NAALADL2: variants seen among roughly 807,000 people sequenced by gnomAD.
NAALADL2 encodes the protein inactive N-acetylated-alpha-linked acidic dipeptidase-like protein 2.
Under a neutral mutation model 87.2 loss-of-function variants are expected in NAALADL2, and 76 were observed. That is an observed-to-expected ratio of 0.87 (90% confidence interval 0.72 to 1.05). NAALADL2 has a LOEUF of 1.05. Ranked by LOEUF, NAALADL2 falls within the 50% of genes least tolerant of loss-of-function variation. The probability of loss-of-function intolerance (pLI) is 0.00; values close to 1 mark genes in which losing one functional copy is unlikely to be tolerated. For synonymous variants in NAALADL2, 354 were observed against 331.0 expected (o/e 1.07, Z -0.75); for missense variants, 1,089 against 945.8 (o/e 1.15, Z -1.99).
intron 2 of NAALADL2, among the ~76,000 whole-genome samples, chr3:174,575,581 C>G (rs1166908580): frequency 2.0e-5 from 3 of 152,082 alleles, no homozygotes; most frequent in Non-Finnish European, 2.9e-5. Context: ...TTTTGTGTAA[C>G]AGTGGCCAGA....
chr3:175,034,318 C>T (rs1753149021), intron 1 of NAALADL2, among the ~76,000 whole-genome samples: 2 of 152,114 alleles, frequency 1.3e-5, no homozygotes, highest in Admixed American at 6.6e-5. Context: ...AAGCCAGATA[C>T]AAGTTCTGAT....
At chr3:175,494,533 G>A (rs924322888) in intron 9 of NAALADL2, among the ~76,000 whole-genome samples, 1 of 152,054 alleles carries the variant, frequency 6.6e-6, no homozygotes, top group Non-Finnish European at 1.5e-5. Flanking sequence ...ATGAATGGAA[G>A]GTCAGTTTCT....
intron 2 of NAALADL2, among the ~76,000 whole-genome samples, chr3:174,721,048 T>C (rs1173349610): frequency 6.6e-6 from 1 of 152,232 alleles, no homozygotes; most frequent in African/African-American, 2.4e-5. Context: ...AGAGATAATA[T>C]ATCATTTTTG....
chr3:174,779,194 C>A (rs7620237), intron 3 of NAALADL2, among the ~76,000 whole-genome samples: 44 of 152,078 alleles, frequency 2.9e-4, no homozygotes, highest in Non-Finnish European at 6.0e-4. Flanking sequence ...GATGGTATCT[C>A]ATTGTGGTTT....
chr3:175,140,076 C>T (rs1383078978), intron 2 of NAALADL2, among the ~76,000 whole-genome samples: 2 of 152,046 alleles, frequency 1.3e-5, no homozygotes, highest in African/African-American at 2.4e-5. Context: ...GTCAGGCAAA[C>T]CTGGCTTTGA....
intron 11 of NAALADL2, among the ~76,000 whole-genome samples, chr3:175,716,058 C>T (rs755160702): frequency 5.3e-4 from 79 of 149,246 alleles, no homozygotes; most frequent in Middle Eastern, 3.5e-3. Flanking sequence ...GACAGCCACA[C>T]TCAAATAACA....
chr3:174,689,577 A>C (rs954574559), intron 2 of NAALADL2, among the ~76,000 whole-genome samples: 1 of 152,046 alleles, frequency 6.6e-6, no homozygotes, highest in African/African-American at 2.4e-5. Flanking sequence ...GCCATACCCT[A>C]GATGAAAATC....
rs1578133416 is a variant in NAALADL2, at chr3:174,544,258, C to T, written c.-183-6311C>T. Reference sequence around the variant, plus strand: ...TGGTTGAGAATTTGTTTTTCTAGCTCTGACATCCAGCAATCTCAAATATTT... The same window carrying T: ...TGGTTGAGAATTTGTTTTTCTAGCTTTGACATCCAGCAATCTCAAATATTT... On this transcript the variant is annotated intron_variant, in intron 1 of 3. Coordinates refer to the NAALADL2 transcript ENST00000434257. Among the ~76,000 whole-genome samples, 5 of 152,238 alleles carry T rather than the reference C, an allele frequency of 3.3e-5. 1 individual carries two copies. The highest frequency in any genetic ancestry group is 3.3e-4 in the Admixed American group (5 of 15,282).
chr3:175,730,443 T>TATATATATATAC (rs1387585623), intron 11 of NAALADL2, among the ~76,000 whole-genome samples: 1 of 64,482 alleles, frequency 1.6e-5, no homozygotes, highest in African/African-American at 5.4e-5. Flanking sequence ...TATATATATA[T>TATATATATATAC]ACACACATAC....
chr3:175,781,960 G>T (rs1385028961), intron 13 of NAALADL2, among the ~76,000 whole-genome samples: 2 of 150,492 alleles, frequency 1.3e-5, no homozygotes, highest in Non-Finnish European at 3.0e-5. Context: ...GCAGTGTTTG[G>T]TTTTTTGTTC....
chr3:175,463,429 G>A lies in NAALADL2; in HGVS notation c.1263G>A (p.Gln421=), dbSNP rs1723460152. 6.3e-7 allele frequency: 1 copy of A among 1,597,156 alleles called. No individual in the cohort carries two copies. The highest frequency in any genetic ancestry group is 8.5e-7 in the Non-Finnish European group (1 of 1,170,946). ...NEIRVVSMQV[Q]TVTKLKTVTN... is the part of the protein sequence containing the mutation. ...TAAGAGTCGTCAGCATGCAAGTTCA[G>A]ACAGTCACAAAATTGAAAACAGTTA... The change falls in exon 7 of 14, where the codon CAG becomes CAA. Residue 421 remains glutamine, a synonymous_variant. Transcript: ENST00000454872.
intron 1 of NAALADL2, among the ~76,000 whole-genome samples, chr3:174,968,736 C>G (rs977228185): frequency 6.6e-6 from 1 of 152,140 alleles, no homozygotes; most frequent in Non-Finnish European, 1.5e-5. Context: ...CTCGGCCTCC[C>G]AAAGTGCTGA....
At chr3:174,982,947 G>A (rs532210526) in intron 1 of NAALADL2, among the ~76,000 whole-genome samples, 26 of 152,060 alleles carry the variant, frequency 1.7e-4, no homozygotes, top group Non-Finnish European at 3.7e-4. Context: ...ACAGGTGCCC[G>A]CCACCACGCC....
At chr3:175,282,584 A>G (rs7610474) in intron 4 of NAALADL2, among the ~76,000 whole-genome samples, 64,613 of 151,892 alleles carry the variant, frequency 0.43, 14,009 homozygotes, top group Middle Eastern at 0.55. Flanking sequence ...TCTACCTGTC[A>G]CCTGCCCTCC....
chr3:175,011,598 C>T (rs1292489355), intron 1 of NAALADL2, among the ~76,000 whole-genome samples: 2 of 152,156 alleles, frequency 1.3e-5, no homozygotes, highest in East Asian at 1.9e-4. Context: ...TATAGCTCAG[C>T]TTAATTGTTC....
At chr3:175,639,301 T>C (rs945604255) in intron 11 of NAALADL2, among the ~76,000 whole-genome samples, 2 of 149,572 alleles carry the variant, frequency 1.3e-5, no homozygotes, top group African/African-American at 2.5e-5. Context: ...CAGCAGTTTT[T>C]TTTCAAAAGC....
chr3:175,704,901 C>T (rs905682806), intron 11 of NAALADL2, among the ~76,000 whole-genome samples: 12 of 152,144 alleles, frequency 7.9e-5, no homozygotes, highest in African/African-American at 2.7e-4. Context: ...GTGAAAGCAT[C>T]GTGCACACAT....
chr3:175,634,609 G>A (rs879830743), intron 11 of NAALADL2, among the ~76,000 whole-genome samples: 20 of 105,446 alleles, frequency 1.9e-4, no homozygotes, highest in Non-Finnish European at 1.1e-4. Flanking sequence ...TAGAATTCCT[G>A]GTACACGTTT....
At chr3:175,046,010 A>G (rs1215235708) in intron 1 of NAALADL2, among the ~76,000 whole-genome samples, 1 of 119,112 alleles carries the variant, frequency 8.4e-6, no homozygotes, top group African/African-American at 4.7e-5. Flanking sequence ...TCTAGACTTT[A>G]TGTTTTTTTT....
Sources: gnomAD v4.1 joint callset for allele counts (sites outside exome capture counted in the v4.1 genomes callset) on GRCh38, gnomAD v4.1.1 for gene constraint, MANE v1.5 for transcripts, NCBI Gene and HGNC (gene_info 2026-07-23, HGNC 2026-07-21) for gene names.